The following NME1 variants were observed in gnomAD, a reference collection of about 807,000 sequenced individuals.
NME1 encodes nucleoside diphosphate kinase A.
Under a neutral mutation model 17.2 loss-of-function variants are expected in NME1, and 9 were observed. The ratio of observed to expected loss-of-function variants is 0.52; its 90% confidence interval spans 0.32 to 0.92. The LOEUF (loss-of-function observed/expected upper bound fraction) is 0.92. NME1 is among the 40% of genes least tolerant of loss of function. The pLI is 0.04. For synonymous variants in NME1, 72 were observed against 70.8 expected (o/e 1.02, Z -0.09); for missense variants, 169 against 201.7 (o/e 0.84, Z 0.98).
intron 2 of NME1, among the ~76,000 whole-genome samples, chr17:51,157,654 A>G (rs999526688): frequency 2.0e-5 from 3 of 152,208 alleles, no homozygotes; most frequent in Non-Finnish European, 4.4e-5. Context: ...TCTTCATGCC[A>G]GCCTTGAGAA....
intron 3 of NME1, chr17:51,160,610 C>CT (rs1161137953): frequency 0.033 from 6,013 of 182,912 alleles, 9 homozygotes; most frequent in South Asian, 0.077. Context: ...CTTGGCATTT[C>CT]TTTTTTTTTT....
intron 1 of NME1, chr17:51,154,425 A>G (rs141372856): frequency 1.2e-6 from 2 of 1,613,966 alleles, no homozygotes; most frequent in Admixed American, 1.7e-5. Context: ...GGGGCCTCCT[A>G]TCTCAAGCTG....
At chr17:51,158,596 C>T (rs2049821969) in intron 2 of NME1, among the ~76,000 whole-genome samples, 1 of 152,150 alleles carries the variant, frequency 6.6e-6, no homozygotes, top group African/African-American at 2.4e-5. Flanking sequence ...GGATCCCTAC[C>T]ACGGAGTGAT....
At chr17:51,156,151 T>G (rs1568120482) in intron 2 of NME1, 1 of 324,332 alleles carries the variant, frequency 3.1e-6, no homozygotes, top group African/African-American at 2.2e-5. Flanking sequence ...AGACAGGTTG[T>G]TTTTTAGCAA....
At chr17:51,159,351 G>A (rs1396647221) in intron 2 of NME1, among the ~76,000 whole-genome samples, 1 of 152,118 alleles carries the variant, frequency 6.6e-6, no homozygotes, top group Non-Finnish European at 1.5e-5. Flanking sequence ...CCGTAGTCCC[G>A]GCCCTTTGGG....
intron 1 of NME1, chr17:51,154,092 G>A: frequency 2.1e-6 from 1 of 468,630 alleles, no homozygotes; most frequent in South Asian, 2.3e-5. Flanking sequence ...TTTTCTCCTG[G>A]ACAATTTATG....
rs1460635197 is a variant in NME1, at chr17:51,154,566, C to T, written c.-5+904C>T. ...CCTAATGTCTGTAGTTCTCCCACAC[C>T]CCACCGTTTATTGGCTAGTCAAAAT... On this transcript the variant is annotated intron_variant, in intron 1 of 4. Transcript: ENST00000393196. 6.2e-6 allele frequency: 5 copies of T among 809,396 alleles called. No individual in the cohort carries two copies. The East Asian group carries it at 9.9e-5, about 16-fold the overall frequency. 50.1% of individuals were successfully genotyped at this position (809,396 alleles called of 1,614,324 possible).
At chr17:51,155,832 A>G (rs768171071) in intron 2 of NME1, 52 bp downstream of exon 2, 3 of 1,607,686 alleles carry the variant, frequency 1.9e-6, no homozygotes, top group South Asian at 2.2e-5. Flanking sequence ...ATAGGAGAAC[A>G]CTGTGATTAA....
chr17:51,160,299 A>G (rs1383331664), intron 3 of NME1: 9 of 646,022 alleles, frequency 1.4e-5, no homozygotes, highest in Admixed American at 4.3e-5. Context: ...AAAGAACGCA[A>G]TTTTTAAGCT....
chr17:51,154,126 A>T, intron 1 of NME1: 1 of 507,992 alleles, frequency 2.0e-6, no homozygotes, highest in Non-Finnish European at 3.6e-6. Context: ...CCATCGTGCG[A>T]TTCTCCGCAG....
At chr17:51,155,956 C>T in intron 2 of NME1, 176 bp downstream of exon 2, 1 of 965,044 alleles carries the variant, frequency 1.0e-6, no homozygotes, top group Non-Finnish European at 1.5e-6. Context: ...TTGGAACAAA[C>T]CAAGTTATTT....
intron 1 of NME1, chr17:51,154,374 A>G (rs772884180): frequency 1.5e-5 from 24 of 1,613,858 alleles, no homozygotes; most frequent in Non-Finnish European, 1.9e-5. Flanking sequence ...GGGCCAAGAG[A>G]TGGTGCTACT....
At position 51,161,767 on chromosome 17, in the gene NME1, G is replaced by C. The variant is rs201887545; in HGVS notation, c.381G>C (p.Glu127Asp). ...IHGSDSVESA[E>D]KEIGLWFHPE... is the part of the protein sequence containing the mutation. Reference sequence around the variant, plus strand: ...GCAGTGATTCTGTGGAGAGTGCAGAGAAGGAGATCGGCTTGTGGTTTCACC... The same window carrying C: ...GCAGTGATTCTGTGGAGAGTGCAGACAAGGAGATCGGCTTGTGGTTTCACC... Residue 127 changes from glutamate (E) to aspartate (D), a missense_variant, in exon 5 of 5, where the codon GAG becomes GAC. Coordinates refer to ENST00000393196, the MANE Select transcript of NME1 (RefSeq NM_000269.3). 4 of 1,614,138 alleles carry C rather than the reference G, an allele frequency of 2.5e-6. No individual in the cohort carries two copies. The South Asian group carries it at 4.4e-5, about 18-fold the overall frequency.
At chr17:51,159,496 CT>C (rs2049833940) in intron 2 of NME1, among the ~76,000 whole-genome samples, 1 of 152,158 alleles carries the variant, frequency 6.6e-6, no homozygotes. Context: ...ACTTGGGAGG[CT>C]GAGGCAGGAG....
Position 51,154,855 on chromosome 17 carries a change from T to A in NME1, c.-4-796T>A, listed in dbSNP as rs1009361246. 2.6e-5 allele frequency among the ~76,000 whole-genome samples: 4 copies of A among 152,356 alleles called. No homozygotes were observed. In the South Asian group the frequency reaches 8.3e-4, roughly 32 times the overall value. On this transcript the variant is annotated intron_variant, in intron 1 of 4. Coordinates refer to ENST00000393196, the MANE Select transcript of NME1 (RefSeq NM_000269.3). ...GTGTAGTTTCTCCCAAGCTTGATTATTGAGAAAGATAGTGCCTTGTTTTTA... is the reference window on the plus strand; with the variant it reads ...GTGTAGTTTCTCCCAAGCTTGATTAATGAGAAAGATAGTGCCTTGTTTTTA...
rs2049859313 is a variant in NME1, at chr17:51,161,178, G to A, written c.247G>A (p.Val83Met). Residue 83 changes from valine to methionine, a missense_variant, in exon 4 of 5, where the codon GTG becomes ATG. By Grantham distance (21) the Val-to-Met change is conservative. Coordinates refer to ENST00000393196, the MANE Select transcript of NME1 (RefSeq NM_000269.3). ...CTTGGAGGTCTGGGAGGGGCTGAAT[G>A]TGGTGAAGACGGGCCGAGTCATGCT... is the stretch of plus-strand genomic sequence containing the variant. ...VVAMVWEGLN[V>M]VKTGRVMLGE... 17 of 1,611,858 alleles carry A rather than the reference G, an allele frequency of 1.1e-5. No individual in the cohort carries two copies. Among genetic ancestry groups the A allele is most frequent in the Non-Finnish European group, 1.3e-5 (15 of 1,179,104 alleles).
chr17:51,158,755 A>G (rs530161089), intron 2 of NME1, among the ~76,000 whole-genome samples: 5 of 152,332 alleles, frequency 3.3e-5, no homozygotes, highest in East Asian at 3.9e-4. Flanking sequence ...TGGAAAAACC[A>G]TGGGACCCTG....
At chr17:51,160,420 C>T in intron 3 of NME1, 1 of 388,900 alleles carries the variant, frequency 2.6e-6, no homozygotes, top group South Asian at 2.1e-5. Flanking sequence ...GCAAAGGTCC[C>T]AGGGTGGGAA....
intron 1 of NME1, chr17:51,154,019 T>C (rs2049746205): frequency 2.5e-5 from 8 of 315,988 alleles, no homozygotes; most frequent in South Asian, 2.4e-4. Context: ...GTGCTTACTG[T>C]TGTGTCACCG....
Sources: gnomAD v4.1 joint callset for allele counts (sites outside exome capture counted in the v4.1 genomes callset) on GRCh38, gnomAD v4.1.1 for gene constraint, MANE v1.5 for transcripts, NCBI Gene and HGNC (gene_info 2026-07-23, HGNC 2026-07-21) for gene names.